ADK: variants seen among roughly 807,000 people sequenced by gnomAD.
ADK encodes adenosine kinase.
A neutral mutation model predicts 44.7 loss-of-function variants in ADK; 24 were observed. The observed-to-expected ratio is 0.54, with a 90% CI of 0.39 to 0.76. The LOEUF (loss-of-function observed/expected upper bound fraction) is 0.76. Among genes scored for constraint, ADK ranks in the 30% least tolerant of loss-of-function variants. The pLI, the probability that ADK is intolerant of heterozygous loss-of-function variation, is 0.00. For missense variants in ADK, 321 were observed against 425.1 expected, an observed-to-expected ratio of 0.76 and a Z score of 2.15; for synonymous variants, 128 against 142.6, an observed-to-expected ratio of 0.90 and a Z score of 0.73.
intron 6 of ADK, among the ~76,000 whole-genome samples, chr10:74,507,272 T>A (rs1848117580): frequency 6.6e-6 from 1 of 152,210 alleles, no homozygotes; most frequent in Admixed American, 6.5e-5. Context: ...CATTCTTCCA[T>A]AAGCATGTGA....
intron 6 of ADK, among the ~76,000 whole-genome samples, chr10:74,499,769 C>G (rs962661562): frequency 1.3e-5 from 2 of 152,154 alleles, no homozygotes; most frequent in East Asian, 3.9e-4. Flanking sequence ...CTTTCACTGT[C>G]AAGAAATTGG....
At chr10:74,259,840 T>C (rs1845976643) in intron 3 of ADK, among the ~76,000 whole-genome samples, 1 of 152,202 alleles carries the variant, frequency 6.6e-6, no homozygotes, top group Non-Finnish European at 1.5e-5. Flanking sequence ...GTTCATATTA[T>C]TGGAAACACT....
chr10:74,589,213 CA>C, intron 7 of ADK, 68 bp from the exon 8 acceptor site: 1 of 1,461,506 alleles, frequency 6.8e-7, no homozygotes, highest in Non-Finnish European at 9.5e-7. Context: ...GAATGAGTTT[CA>C]AAAAATGGAT....
At chr10:74,234,918 A>C (rs1172886764) in intron 3 of ADK, among the ~76,000 whole-genome samples, 1 of 152,188 alleles carries the variant, frequency 6.6e-6, no homozygotes, top group Non-Finnish European at 1.5e-5. Flanking sequence ...AACATTTATA[A>C]AAATGTTTCA....
At chr10:74,323,194 TG>T (rs1840877990) in intron 4 of ADK, among the ~76,000 whole-genome samples, 1 of 152,208 alleles carries the variant, frequency 6.6e-6, no homozygotes, top group African/African-American at 2.4e-5. Context: ...ATTTTGGAAT[TG>T]GAATTCAGAA....
At chr10:74,684,804 A>G (rs1855731149) in intron 10 of ADK, among the ~76,000 whole-genome samples, 2 of 152,194 alleles carry the variant, frequency 1.3e-5, no homozygotes, top group Non-Finnish European at 2.9e-5. Context: ...CTTTGTAGAA[A>G]AATCCAGTTT....
intron 4 of ADK, among the ~76,000 whole-genome samples, chr10:74,373,327 A>C (rs150904303): frequency 5.5e-4 from 83 of 152,290 alleles, no homozygotes; most frequent in African/African-American, 1.9e-3. Context: ...AATAAATTAG[A>C]TTTCATCAAG....
chr10:74,387,580 C>T (rs1235888780), intron 4 of ADK, among the ~76,000 whole-genome samples: 2 of 152,084 alleles, frequency 1.3e-5, no homozygotes, highest in Admixed American at 1.3e-4. Flanking sequence ...AAGATCATAC[C>T]CATCCTTCAA....
In ADK at chr10:74,709,222, G is replaced by C. The variant is rs1412029148; in HGVS notation, c.*777G>C. ...CCCAATTTGTTAATGGAATTATGAA[G>C]AACAGCAATATAATACACTGAAGAA... On this transcript the variant is annotated 3_prime_UTR_variant, in exon 11 of 11. Coordinates refer to ENST00000539909, the MANE Select transcript of ADK (RefSeq NM_006721.4). 1 of 152,046 alleles carries C rather than the reference G, an allele frequency of 6.6e-6. No homozygotes were observed. The highest frequency in any genetic ancestry group is 2.4e-5 in the African/African-American group (1 of 41,384). The allele number at this position is 152,046 out of a possible 1,614,324, so 9.4% of individuals were successfully genotyped here.
At chr10:74,467,083 A>G (rs1292939348) in intron 6 of ADK, among the ~76,000 whole-genome samples, 2 of 152,184 alleles carry the variant, frequency 1.3e-5, no homozygotes, top group East Asian at 3.8e-4. Flanking sequence ...TTGTATTTTT[A>G]AAGTATAGGT....
At chr10:74,533,241 T>C (rs926717644) in intron 7 of ADK, among the ~76,000 whole-genome samples, 1 of 152,184 alleles carries the variant, frequency 6.6e-6, no homozygotes, top group Non-Finnish European at 1.5e-5. Context: ...AATCTATAGT[T>C]TAGTGTAATT....
chr10:74,188,924 C>G (rs1352723992), intron 1 of ADK, among the ~76,000 whole-genome samples: 1 of 151,940 alleles, frequency 6.6e-6, no homozygotes, highest in East Asian at 1.9e-4. Context: ...AGGCGTGCAC[C>G]ACCACGCCAG....
At chr10:74,633,716 T>C (rs999124979) in intron 9 of ADK, among the ~76,000 whole-genome samples, 1 of 152,134 alleles carries the variant, frequency 6.6e-6, no homozygotes, top group African/African-American at 2.4e-5. Context: ...CTGGAGACAC[T>C]GGAGAAGAAT....
chr10:74,446,136 T>C (rs1490971068), intron 6 of ADK, among the ~76,000 whole-genome samples: 1 of 152,116 alleles, frequency 6.6e-6, no homozygotes, highest in Non-Finnish European at 1.5e-5. Flanking sequence ...TTTAATTTTT[T>C]CTTTCATACT....
intron 6 of ADK, among the ~76,000 whole-genome samples, chr10:74,412,938 A>C (rs1844237430): frequency 6.6e-6 from 1 of 152,092 alleles, no homozygotes; most frequent in African/African-American, 2.4e-5. Context: ...CACACCTGTA[A>C]TCCCAGCTAC....
intron 9 of ADK, among the ~76,000 whole-genome samples, chr10:74,601,084 G>T: frequency 6.6e-6 from 1 of 151,924 alleles, no homozygotes; most frequent in Non-Finnish European, 1.5e-5. Context: ...ATTAGTTATT[G>T]TAAACTGGAG....
chr10:74,604,261 C>T (rs1416487063), intron 9 of ADK, among the ~76,000 whole-genome samples: 2 of 152,150 alleles, frequency 1.3e-5, no homozygotes, highest in Non-Finnish European at 2.9e-5. Context: ...TTAATTGGAT[C>T]CCATTTGTCA....
At chr10:74,303,205 T>A (rs1000399739) in intron 3 of ADK, among the ~76,000 whole-genome samples, 1 of 152,224 alleles carries the variant, frequency 6.6e-6, no homozygotes, top group Non-Finnish European at 1.5e-5. Flanking sequence ...AAAGGATTAT[T>A]GACACTTATA....
At chr10:74,617,289 G>T (rs988344265) in intron 9 of ADK, among the ~76,000 whole-genome samples, 2 of 152,060 alleles carry the variant, frequency 1.3e-5, no homozygotes, top group Non-Finnish European at 2.9e-5. Flanking sequence ...TTATCAAAAA[G>T]GATAATGTTT....
Sources: gnomAD v4.1 joint callset for allele counts (sites outside exome capture counted in the v4.1 genomes callset) on GRCh38, gnomAD v4.1.1 for gene constraint, MANE v1.5 for transcripts, NCBI Gene and HGNC (gene_info 2026-07-23, HGNC 2026-07-21) for gene names.